Variants in LARP1B observed in about 807,000 individuals in gnomAD.
LARP1B encodes the protein la-related protein 1B.
LARP1B carries 76 observed loss-of-function variants against 114.2 expected under a neutral mutation model. The ratio of observed to expected loss-of-function variants is 0.67; its 90% CI spans 0.55 to 0.81. The LOEUF (loss-of-function observed/expected upper bound fraction) is 0.81, where lower values mean the gene tolerates loss of function less well. Ranked by LOEUF, LARP1B falls within the 30% of genes least tolerant of loss-of-function variation. The probability of loss-of-function intolerance (pLI) is 0.00; values close to 1 mark genes in which losing one functional copy is unlikely to be tolerated. For missense variants in LARP1B, 1,014 were observed against 1,075.8 expected (o/e 0.94, Z 0.80); for synonymous variants, 345 against 348.0 (o/e 0.99, Z 0.10).
chr4:128,174,500 G>T (rs1346861205), intron 12 of LARP1B, among the ~76,000 whole-genome samples: 1 of 151,928 alleles, frequency 6.6e-6, no homozygotes, highest in Non-Finnish European at 1.5e-5. Flanking sequence ...CTCTATAGAT[G>T]TTGATCTTAC....
chr4:128,192,758 A>G (rs1752666511), intron 15 of LARP1B, among the ~76,000 whole-genome samples: 1 of 151,640 alleles, frequency 6.6e-6, no homozygotes, highest in South Asian at 2.1e-4. Flanking sequence ...ATCTTATCCC[A>G]CTTCATGTGT....
At chr4:128,097,192 C>T (rs1456082943) in intron 7 of LARP1B, among the ~76,000 whole-genome samples, 6 of 152,192 alleles carry the variant, frequency 3.9e-5, no homozygotes, top group Non-Finnish European at 8.8e-5. Context: ...GCCACCTCAC[C>T]GGGCCACCCT....
chr4:128,197,947 T>A (rs1478095411), intron 15 of LARP1B, among the ~76,000 whole-genome samples: 1 of 141,338 alleles, frequency 7.1e-6, no homozygotes, highest in Admixed American at 7.6e-5. Context: ...TGCAATGGCA[T>A]GATCTCTGCT....
chr4:128,204,277 G>T (rs1756924765), intron 17 of LARP1B, among the ~76,000 whole-genome samples: 1 of 151,878 alleles, frequency 6.6e-6, no homozygotes, highest in South Asian at 2.1e-4. Context: ...AAAAAAAAAT[G>T]GTTGGAAAGA....
chr4:128,139,717 A>C (rs1010402504), intron 11 of LARP1B, among the ~76,000 whole-genome samples: 1 of 152,212 alleles, frequency 6.6e-6, no homozygotes, highest in Non-Finnish European at 1.5e-5. Context: ...AACTTTTTAC[A>C]AAAGAAGAAG....
At chr4:128,120,345 G>A (rs983769485) in intron 10 of LARP1B, among the ~76,000 whole-genome samples, 1 of 152,106 alleles carries the variant, frequency 6.6e-6, no homozygotes, top group African/African-American at 2.4e-5. Flanking sequence ...GTAACACCAA[G>A]TAGAAACTAC....
intron 11 of LARP1B, among the ~76,000 whole-genome samples, chr4:128,142,084 G>C (rs190293435): frequency 6.6e-6 from 1 of 152,284 alleles, no homozygotes; most frequent in East Asian, 1.9e-4. Flanking sequence ...TAAACTTCCT[G>C]TCTCCTCACC....
At chr4:128,209,303 C>A (rs565607597) in intron 19 of LARP1B, among the ~76,000 whole-genome samples, 48 of 152,174 alleles carry the variant, frequency 3.2e-4, no homozygotes, top group Non-Finnish European at 6.3e-4. Context: ...CGCCTCTACT[C>A]CCAGCTACTT....
chr4:128,061,077 G>A (rs368467819), upstream of LARP1B, among the ~76,000 whole-genome samples: 27 of 152,122 alleles, frequency 1.8e-4, 1 homozygote, highest in South Asian at 5.2e-3. Context: ...TGCAGTCGGG[G>A]CGGCCTCAGC....
chr4:128,102,306 C>A (rs1780589972), intron 8 of LARP1B, among the ~76,000 whole-genome samples: 1 of 152,094 alleles, frequency 6.6e-6, no homozygotes, highest in South Asian at 2.1e-4. Context: ...TTGTCAGTGT[C>A]CTGAGACAGT....
chr4:128,156,161 C>T (rs1193433095), intron 11 of LARP1B: 2 of 1,610,472 alleles, frequency 1.2e-6, no homozygotes, highest in East Asian at 4.5e-5. Flanking sequence ...AGCGGAGACC[C>T]ATCCTCTGAC....
Position 128,210,392 on chromosome 4 carries a change from AAAC to A in LARP1B, c.*342_*344del, listed in dbSNP as rs202068132. The A allele has an allele frequency of 5.0e-3, 5,339 of 1,069,594 alleles. 190 individuals carry two copies. The African/African-American group carries it at 0.083, about 17-fold the overall frequency. The allele number at this position is 1,069,594 out of a possible 1,614,324, so 66.3% of individuals were successfully genotyped here. ...ACAGCATTCCTTAAATATATTTAAA[AAAC>A]AATACAAGGAATGCCTAACATTTCA... is the stretch of plus-strand genomic sequence containing the variant. On this transcript the variant is annotated 3_prime_UTR_variant, in exon 20 of 20. Coordinates refer to ENST00000326639, the MANE Select transcript of LARP1B (RefSeq NM_018078.4).
At chr4:128,220,733 G>A (rs1366096804) in intron 7 of LARP1B, among the ~76,000 whole-genome samples, 4 of 152,126 alleles carry the variant, frequency 2.6e-5, no homozygotes, top group South Asian at 2.1e-4. Flanking sequence ...TAACTCTTGA[G>A]ATGTGAACAA....
intron 15 of LARP1B, among the ~76,000 whole-genome samples, chr4:128,196,843 T>C (rs1754326071): frequency 6.6e-6 from 1 of 152,202 alleles, no homozygotes; most frequent in African/African-American, 2.4e-5. Flanking sequence ...ACACATACAA[T>C]GGAATATAAA....
chr4:128,104,210 C>T (rs2149763388), intron 8 of LARP1B, among the ~76,000 whole-genome samples: 1 of 152,172 alleles, frequency 6.6e-6, no homozygotes, highest in African/African-American at 2.4e-5. Flanking sequence ...TTTCAAGACC[C>T]AGGCAAGCTG....
chr4:128,062,338 C>A (rs1682697114), intron 1 of LARP1B: 2 of 904,990 alleles, frequency 2.2e-6, no homozygotes, highest in Non-Finnish European at 2.6e-6. Context: ...GCCTCCCCTC[C>A]CTGTCAGTCG....
intron 10 of LARP1B, among the ~76,000 whole-genome samples, chr4:128,120,803 ATTTTTTTT>A (rs56253884): frequency 3.7e-4 from 48 of 128,982 alleles, no homozygotes; most frequent in South Asian, 1.5e-3. Flanking sequence ...GGGGTAGACA[ATTTTTTTT>A]TTTTTTTTTT....
chr4:128,157,400 A>G (rs182604388), intron 11 of LARP1B, among the ~76,000 whole-genome samples: 3 of 152,314 alleles, frequency 2.0e-5, no homozygotes, highest in Admixed American at 6.5e-5. Context: ...GGATCCTCCA[A>G]TGGGGGAAGA....
chr4:128,082,375 C>A, intron 5 of LARP1B, 70 bp downstream of exon 5: 1 of 1,385,300 alleles, frequency 7.2e-7, no homozygotes, highest in Non-Finnish European at 1.0e-6. Context: ...TTTTAGTAAC[C>A]ACATGTATAA....
Sources: gnomAD v4.1 joint callset for allele counts (sites outside exome capture counted in the v4.1 genomes callset) on GRCh38, gnomAD v4.1.1 for gene constraint, MANE v1.5 for transcripts, NCBI Gene and HGNC (gene_info 2026-07-23, HGNC 2026-07-21) for gene names.